PCDHA1: variants seen among roughly 807,000 people sequenced by gnomAD.
PCDHA1 encodes the protein protocadherin alpha-1.
Under a neutral mutation model 61.3 loss-of-function variants are expected in PCDHA1, and 42 were observed. The observed-to-expected ratio is 0.69, with a 90% CI of 0.54 to 0.89. The LOEUF (loss-of-function observed/expected upper bound fraction) is 0.89. PCDHA1 is among the 40% of genes least tolerant of loss of function. The pLI, the probability that PCDHA1 is intolerant of heterozygous loss-of-function variation, is 0.00. For synonymous variants in PCDHA1, 610 were observed against 553.8 expected (o/e 1.10, Z -1.43); for missense variants, 1,256 against 1,235.3 (o/e 1.02, Z -0.25).
At position 140,809,455 on chromosome 5, in the gene PCDHA1, G is replaced by A. The variant is rs146943849; in HGVS notation, c.2394+20771G>A. ...GGTCATACTCGCAGCAGAGGAGGCC[G>A]AGGGTGTGCTCTGGTGAGGGCCCAC... On this transcript the variant is annotated intron_variant, in intron 1 of 3. Transcript: ENST00000504120. 3,828 of 1,614,228 alleles carry A rather than the reference G, an allele frequency of 2.4e-3. 18 individuals are homozygous for A. Among genetic ancestry groups the A allele is most frequent in the Middle Eastern group, 0.01 (62 of 6,062 alleles).
chr5:140,845,119 A>C (rs1166318033), intron 1 of PCDHA1, among the ~76,000 whole-genome samples: 4 of 149,728 alleles, frequency 2.7e-5, no homozygotes, highest in African/African-American at 9.8e-5. Flanking sequence ...GTCCATGTTT[A>C]GCATTTTATT....
chr5:140,796,911 G>A, intron 1 of PCDHA1: 1 of 1,613,902 alleles, frequency 6.2e-7, no homozygotes, highest in Non-Finnish European at 8.5e-7. Context: ...GCCTACTCGT[G>A]CTGGTGAAGG....
At chr5:140,836,630 A>G in intron 1 of PCDHA1, 3 of 1,613,502 alleles carry the variant, frequency 1.9e-6, no homozygotes, top group South Asian at 1.1e-5. Flanking sequence ...GGAGCTGGTC[A>G]TTCTCCCAGC....
At chr5:140,876,308 A>T in intron 1 of PCDHA1, 1 of 1,614,070 alleles carries the variant, frequency 6.2e-7, no homozygotes, top group South Asian at 1.1e-5. Context: ...GAAATTTCCT[A>T]TGGGATCAAA....
intron 1 of PCDHA1, among the ~76,000 whole-genome samples, chr5:140,978,010 T>G (rs2096785841): frequency 6.6e-6 from 1 of 152,156 alleles, no homozygotes; most frequent in African/African-American, 2.4e-5. Flanking sequence ...TTTTTCACAG[T>G]GACATTTTTG....
intron 1 of PCDHA1, chr5:140,876,996 G>T (rs1554169201): frequency 1.2e-6 from 2 of 1,612,618 alleles, no homozygotes; most frequent in East Asian, 2.2e-5. Context: ...CGAGCTACGT[G>T]TCGGTGCACG....
chr5:140,852,721 T>G (rs2042450982), intron 1 of PCDHA1: 1 of 982,810 alleles, frequency 1.0e-6, no homozygotes, highest in South Asian at 4.8e-5. Flanking sequence ...TTTGCACGTT[T>G]TTCAAGTTTC....
chr5:140,856,038 A>G (rs2043738417), intron 1 of PCDHA1: 2 of 1,568,894 alleles, frequency 1.3e-6, no homozygotes, highest in Non-Finnish European at 1.7e-6. Context: ...GTAAAACAAG[A>G]GAAGGATAAG....
At chr5:140,828,700 G>C (rs2150158039) in intron 1 of PCDHA1, 1 of 1,614,210 alleles carries the variant, frequency 6.2e-7, no homozygotes, top group South Asian at 1.1e-5. Flanking sequence ...TGGACAGAGA[G>C]GAAGCTCCTG....
At chr5:140,848,380 T>A in intron 1 of PCDHA1, 1 of 1,186,720 alleles carries the variant, frequency 8.4e-7, no homozygotes, top group Non-Finnish European at 1.2e-6. Context: ...CAATTCTTTT[T>A]CACTCTCTCT....
Position 140,884,327 on chromosome 5 carries a change from G to T in PCDHA1, c.2395-94622G>T, listed in dbSNP as rs1400364790. The T allele has an allele frequency of 5.6e-6, 9 of 1,613,894 alleles. No individual in the cohort carries two copies. In the African/African-American group the frequency reaches 9.3e-5, roughly 17 times the overall value. Reference sequence around the variant, plus strand: ...TTCGTCGAGGGCGTCGGCAGGCGCTGTGGGTCCAGAAGCGGCGCTGGTGGA... The same window carrying T: ...TTCGTCGAGGGCGTCGGCAGGCGCTTTGGGTCCAGAAGCGGCGCTGGTGGA... On this transcript the variant is annotated intron_variant, in intron 1 of 3. Coordinates refer to ENST00000504120, the MANE Select transcript of PCDHA1 (RefSeq NM_018900.4).
At chr5:140,969,131 A>C in intron 1 of PCDHA1, 1 of 1,614,138 alleles carries the variant, frequency 6.2e-7, no homozygotes, top group African/African-American at 1.3e-5. Flanking sequence ...CTCCCTCACC[A>C]AGACCTACTG....
Position 140,786,204 on chromosome 5 carries a change from TAA to T in PCDHA1, c.-85_-84del. The T allele has an allele frequency of 2.0e-6, 3 of 1,478,054 alleles. No individual in the cohort carries two copies. The highest frequency in any genetic ancestry group is 2.7e-6 in the Non-Finnish European group (3 of 1,102,288). The allele number at this position is 1,478,054 out of a possible 1,614,324, so 91.6% of individuals were successfully genotyped here. A position where few individuals can be genotyped will look rare whatever the true frequency, so the allele number is the denominator to read the frequency against. Reference sequence around the variant, plus strand: ...ACCGCCTGAGAGAAGACAGAAACGGTAAAGAGATAAATGATTGGAAATATTAG... The same window carrying T: ...ACCGCCTGAGAGAAGACAGAAACGGTAGAGATAAATGATTGGAAATATTAG... On this transcript the variant is annotated 5_prime_UTR_variant, in exon 1 of 4. Coordinates refer to ENST00000504120, the MANE Select transcript of PCDHA1 (RefSeq NM_018900.4).
intron 1 of PCDHA1, chr5:140,853,184 T>G (rs1229624873): frequency 1.0e-6 from 1 of 977,906 alleles, no homozygotes; most frequent in East Asian, 1.1e-4. Context: ...TGGCCTAAAA[T>G]GTGTTCTTTA....
rs782163702 is a variant in PCDHA1, at chr5:140,979,042, C to G, written c.2453+35C>G. 3.1e-6 allele frequency: 5 copies of G among 1,612,562 alleles called. No individual in the cohort carries two copies. The South Asian group carries it at 4.4e-5, about 14-fold the overall frequency. Reference sequence around the variant, plus strand: ...TCCCTCCTCATTCACTCAGAAGTAACCTTAACTTGGTATGGCTCAGATAAA... The same window carrying G: ...TCCCTCCTCATTCACTCAGAAGTAAGCTTAACTTGGTATGGCTCAGATAAA... On this transcript the variant is annotated intron_variant, in intron 2 of 3. Coordinates refer to ENST00000504120, the MANE Select transcript of PCDHA1 (RefSeq NM_018900.4).
intron 1 of PCDHA1, among the ~76,000 whole-genome samples, chr5:140,907,756 C>A (rs183321184): frequency 6.6e-6 from 1 of 152,146 alleles, no homozygotes; most frequent in African/African-American, 2.4e-5. Flanking sequence ...TGTTCATGGG[C>A]CCATTGGGTG....
chr5:140,992,798 CAT>C (rs1554253202), intron 3 of PCDHA1, among the ~76,000 whole-genome samples: 1 of 152,076 alleles, frequency 6.6e-6, no homozygotes, highest in African/African-American at 2.4e-5. Context: ...TTTATGGATC[CAT>C]ATGTATCTAA....
At chr5:140,791,504 T>C (rs934840898) in intron 1 of PCDHA1, among the ~76,000 whole-genome samples, 2 of 152,236 alleles carry the variant, frequency 1.3e-5, no homozygotes, top group Admixed American at 6.5e-5. Flanking sequence ...AAAAACTGAA[T>C]GTTAACTCAC....
At chr5:140,849,558 C>T in intron 1 of PCDHA1, 1 of 1,598,598 alleles carries the variant, frequency 6.3e-7, no homozygotes, top group Non-Finnish European at 8.6e-7. Context: ...TATCAAAACG[C>T]TCTCGGTTCC....
Sources: allele counts gnomAD v4.1 joint callset (sites outside exome capture counted in the v4.1 genomes callset), GRCh38; gene constraint gnomAD v4.1.1; transcripts MANE v1.5; gene names NCBI Gene and HGNC (gene_info 2026-07-23, HGNC 2026-07-21).